The following BACH2 variants were observed in gnomAD, a reference collection of about 807,000 sequenced individuals.
The protein encoded by BACH2 is BACH transcriptional regulator 2.
BACH2 carries 5 observed loss-of-function variants against 61.8 expected under a neutral mutation model. The observed-to-expected ratio is 0.08, with a 90% confidence interval of 0.04 to 0.17. BACH2 has a LOEUF of 0.17. Among genes scored for constraint, BACH2 ranks in the 10% least tolerant of loss-of-function variants. The probability of loss-of-function intolerance (pLI) is 1.00; values close to 1 mark genes in which losing one functional copy is unlikely to be tolerated. For missense variants in BACH2, 824 were observed against 1,091.1 expected (o/e 0.76, Z 3.45); for synonymous variants, 446 against 440.1 (o/e 1.01, Z -0.17).
At chr6:90,273,421 G>C (rs1771592124) in intron 1 of BACH2, among the ~76,000 whole-genome samples, 1 of 152,138 alleles carries the variant, frequency 6.6e-6, no homozygotes, top group South Asian at 2.1e-4. Context: ...GTGAAGATAA[G>C]AATAGTTAAA....
At chr6:90,078,239 T>C (rs1171024178) in intron 5 of BACH2, among the ~76,000 whole-genome samples, 2 of 152,130 alleles carry the variant, frequency 1.3e-5, no homozygotes, top group Non-Finnish European at 2.9e-5. Flanking sequence ...GATTACAACA[T>C]TAGCACTCTC....
intron 5 of BACH2, among the ~76,000 whole-genome samples, chr6:90,070,904 C>T (rs1296624407): frequency 6.6e-6 from 1 of 152,222 alleles, no homozygotes; most frequent in Non-Finnish European, 1.5e-5. Flanking sequence ...ACAAGACAGT[C>T]TCTGACACCC....
At chr6:90,159,023 T>A (rs1706217727) in intron 4 of BACH2, among the ~76,000 whole-genome samples, 1 of 152,180 alleles carries the variant, frequency 6.6e-6, no homozygotes, top group Admixed American at 6.5e-5. Flanking sequence ...CCATGGTGAC[T>A]AATTATGCAT....
intron 1 of BACH2, among the ~76,000 whole-genome samples, chr6:90,294,804 G>A (rs909031815): frequency 7.2e-5 from 11 of 152,162 alleles, no homozygotes; most frequent in Non-Finnish European, 1.0e-4. Flanking sequence ...CTTCTTTCAT[G>A]TCAGCCCGAG....
chr6:90,090,844 G>C (rs1320714739), intron 4 of BACH2, among the ~76,000 whole-genome samples: 1 of 152,042 alleles, frequency 6.6e-6, no homozygotes, highest in Admixed American at 6.6e-5. Flanking sequence ...CTTCCTTCTG[G>C]GGTTTTCCTA....
intron 5 of BACH2, among the ~76,000 whole-genome samples, chr6:90,026,844 C>T (rs1778660390): frequency 6.6e-6 from 1 of 152,160 alleles, no homozygotes; most frequent in African/African-American, 2.4e-5. Context: ...CAAAATGATT[C>T]TGTTCTGAAA....
At chr6:90,239,333 A>T (rs576394694) in intron 3 of BACH2, among the ~76,000 whole-genome samples, 1 of 152,194 alleles carries the variant, frequency 6.6e-6, no homozygotes, top group Non-Finnish European at 1.5e-5. Context: ...TTCAGCAACA[A>T]TCTTGACTTC....
At chr6:89,990,017 A>T (rs1192055749) in intron 6 of BACH2, among the ~76,000 whole-genome samples, 10 of 152,208 alleles carry the variant, frequency 6.6e-5, no homozygotes, top group Admixed American at 6.5e-4. Flanking sequence ...ATCACTGGCA[A>T]AAAATGTCTG....
intron 4 of BACH2, among the ~76,000 whole-genome samples, chr6:90,116,161 T>C (rs527939035): frequency 6.6e-6 from 1 of 152,284 alleles, no homozygotes; most frequent in East Asian, 1.9e-4. Context: ...AATAGGATTA[T>C]AGAGCATTCT....
intron 5 of BACH2, among the ~76,000 whole-genome samples, chr6:90,056,928 G>T (rs540425054): frequency 6.6e-6 from 1 of 152,068 alleles, no homozygotes; most frequent in Admixed American, 6.6e-5. Flanking sequence ...AATCAACGAG[G>T]ACAAAGACAC....
At chr6:90,068,764 G>A (rs754846159) in intron 5 of BACH2, among the ~76,000 whole-genome samples, 13 of 152,028 alleles carry the variant, frequency 8.6e-5, no homozygotes, top group African/African-American at 2.7e-4. Context: ...AGAAAAACCA[G>A]AAGAAATTCA....
chr6:90,011,930 A>ATGTGTGTGTGTG (rs1554227943), intron 5 of BACH2, among the ~76,000 whole-genome samples: 1 of 98,680 alleles, frequency 1.0e-5, no homozygotes, highest in Admixed American at 1.1e-4. Context: ...AAAAAAAAAA[A>ATGTGTGTGTGTG]TATGTGTGTG....
At chr6:90,092,519 C>A (rs988448321) in intron 4 of BACH2, among the ~76,000 whole-genome samples, 1 of 151,880 alleles carries the variant, frequency 6.6e-6, no homozygotes, top group African/African-American at 2.4e-5. Flanking sequence ...GCTGGGCACC[C>A]CACTCACTGC....
chr6:90,068,641 T>G (rs546206192), intron 5 of BACH2, among the ~76,000 whole-genome samples: 20 of 151,848 alleles, frequency 1.3e-4, no homozygotes, highest in South Asian at 8.3e-4. Context: ...TGTTGTTGTT[T>G]TTTTTTTTTG....
In BACH2 at chr6:90,280,628, C is replaced by T. The variant is rs116292185; in HGVS notation, c.-445-8687G>A. 5.4e-3 allele frequency among the ~76,000 whole-genome samples: 818 copies of T among 152,236 alleles called. 6 individuals carry two copies. Among genetic ancestry groups the T allele is most frequent in the African/African-American group, 0.019 (780 of 41,528 alleles). ...TGTTTATGTGAGACCCCAGGGGCAC[C>T]TTGAGAAAGTGCAGATTCAGACTCA... On this transcript the variant is annotated intron_variant, in intron 1 of 8. Coordinates refer to ENST00000257749, the MANE Select transcript of BACH2 (RefSeq NM_021813.4).
chr6:90,270,032 C>A (rs1771469781), intron 2 of BACH2, among the ~76,000 whole-genome samples: 2 of 152,108 alleles, frequency 1.3e-5, no homozygotes, highest in Non-Finnish European at 2.9e-5. Context: ...GTCTCCAATT[C>A]CATCCAGATT....
At chr6:90,191,166 T>C (rs1039011482) in intron 4 of BACH2, among the ~76,000 whole-genome samples, 3 of 152,206 alleles carry the variant, frequency 2.0e-5, no homozygotes, top group Non-Finnish European at 2.9e-5. Context: ...AAGACCTGCA[T>C]AACCTGGCCA....
At chr6:90,194,412 C>T (rs1408216017) in intron 4 of BACH2, among the ~76,000 whole-genome samples, 3 of 151,994 alleles carry the variant, frequency 2.0e-5, no homozygotes, top group Admixed American at 1.3e-4. Context: ...CCTCAAAAGC[C>T]GAGCTGGCAG....
At chr6:90,175,054 T>C (rs930604128) in intron 4 of BACH2, among the ~76,000 whole-genome samples, 6 of 152,066 alleles carry the variant, frequency 3.9e-5, no homozygotes, top group African/African-American at 1.4e-4. Context: ...GTAGCAGAAA[T>C]GTGGATGTTT....
Sources: gnomAD v4.1 joint callset for allele counts (sites outside exome capture counted in the v4.1 genomes callset) on GRCh38, gnomAD v4.1.1 for gene constraint, MANE v1.5 for transcripts, NCBI Gene and HGNC (gene_info 2026-07-23, HGNC 2026-07-21) for gene names.